The following XPO7 variants were observed in gnomAD, a reference collection of about 807,000 sequenced individuals.
The protein encoded by XPO7 is exportin 7.
XPO7 carries 21 observed loss-of-function variants against 144.3 expected under a neutral mutation model. The ratio of observed to expected loss-of-function variants is 0.15; its 90% confidence interval spans 0.10 to 0.21. The LOEUF (loss-of-function observed/expected upper bound fraction) is 0.21, where lower values mean the gene tolerates loss of function less well. XPO7 is among the 10% of genes least tolerant of loss of function. The pLI, the probability that XPO7 is intolerant of heterozygous loss-of-function variation, is 1.00. For missense variants in XPO7, 808 were observed against 1,325.8 expected, an observed-to-expected ratio of 0.61 and a Z score of 6.06; for synonymous variants, 580 against 499.6, an observed-to-expected ratio of 1.16 and a Z score of -2.15.
intron 1 of XPO7, among the ~76,000 whole-genome samples, chr8:21,957,958 A>G (rs1219575968): frequency 9.2e-5 from 14 of 152,032 alleles, no homozygotes; most frequent in Admixed American, 9.2e-4. Flanking sequence ...TGGCCCACAG[A>G]GTGCTGAAGT....
intron 1 of XPO7, among the ~76,000 whole-genome samples, chr8:21,921,245 T>C (rs1810276049): frequency 6.6e-6 from 1 of 152,216 alleles, no homozygotes; most frequent in East Asian, 1.9e-4. Flanking sequence ...TCTTGGATCT[T>C]ACAAGACTCA....
At chr8:22,001,469 C>CGT (rs1394536033) in intron 24 of XPO7, among the ~76,000 whole-genome samples, 3 of 152,122 alleles carry the variant, frequency 2.0e-5, no homozygotes, top group Non-Finnish European at 4.4e-5. Context: ...TGTACTGTTC[C>CGT]CTTTGTAAAG....
intron 1 of XPO7, among the ~76,000 whole-genome samples, chr8:21,945,257 C>T (rs1276254756): frequency 6.6e-6 from 1 of 152,236 alleles, no homozygotes; most frequent in African/African-American, 2.4e-5. Context: ...AATATTCTTT[C>T]CTTTAATCTC....
At chr8:21,999,493 G>A in intron 23 of XPO7, 43 bp from the exon 24 acceptor site, 1 of 1,612,216 alleles carries the variant, frequency 6.2e-7, no homozygotes, top group Non-Finnish European at 8.5e-7. Flanking sequence ...ATGCTGGAGT[G>A]CATAGTGCCT....
chr8:22,000,143 A>G (rs1293331989), intron 24 of XPO7, among the ~76,000 whole-genome samples: 1 of 152,206 alleles, frequency 6.6e-6, no homozygotes, highest in Admixed American at 6.5e-5. Context: ...TACCCTGGTT[A>G]GCCAGGGAGG....
intron 1 of XPO7, among the ~76,000 whole-genome samples, chr8:21,923,485 G>T (rs370414318): frequency 1.5e-4 from 23 of 152,246 alleles, no homozygotes; most frequent in African/African-American, 5.5e-4. Flanking sequence ...CACCACACTG[G>T]AAATGTCTGT....
At position 22,006,438 on chromosome 8, in the gene XPO7, A is replaced by C. The variant is rs1813333941; in HGVS notation, c.*1350A>C. On this transcript the variant is annotated 3_prime_UTR_variant, in exon 28 of 28. Transcript: ENST00000252512. ...ATTTCTTTCCTCTACCCCCAGAAAC[A>C]AGCCTGTTAATTTTTTTTCCTTCTC... 6.6e-6 allele frequency: 1 copy of C among 152,114 alleles called. No individual in the cohort carries two copies. The highest frequency in any genetic ancestry group is 2.4e-5 in the African/African-American group (1 of 41,404). 9.4% of individuals were successfully genotyped at this position (152,114 alleles called of 1,614,324 possible).
chr8:21,960,421 GTTAAAC>G lies in XPO7; in HGVS notation c.19-6430_19-6425del, dbSNP rs568404882. 1.5e-3 allele frequency among the ~76,000 whole-genome samples: 230 copies of G among 152,294 alleles called. 2 individuals are homozygous for G. The highest frequency in any genetic ancestry group is 5.3e-3 in the African/African-American group (219 of 41,552). On this transcript the variant is annotated intron_variant, in intron 1 of 27. Transcript: ENST00000252512. ...TGAGCACTTAAGAGAATGCTTTTGG[GTTAAAC>G]TTAAAAGTCAATAAACCATTAAGTG...
Position 21,991,961 on chromosome 8 carries a change from A to T in XPO7, c.2135A>T (p.Glu712Val). 6.2e-7 allele frequency: 1 copy of T among 1,613,280 alleles called. No individual in the cohort carries two copies. The highest frequency in any genetic ancestry group is 1.3e-5 in the African/African-American group (1 of 75,054). ...ATGTTTAGCACCAATAGTTTCAACG[A>T]GCAGGAGGCAAAGGTGAGTGAGTCT... Reference protein sequence around the residue: ...AQMFSTNSFNEQEAKRTLVGL... With the variant: ...AQMFSTNSFNVQEAKRTLVGL... The change falls in exon 19 of 28, where the codon GAG becomes GTG. Residue 712 changes from glutamate (E) to valine (V), a missense_variant. By Grantham distance (121) the Glu-to-Val change is moderately radical (BLOSUM62 -2). This residue lies in a region of XPO7 where 416 missense variants were observed against 612.5 expected (regional missense o/e 0.68). Coordinates refer to ENST00000252512, the MANE Select transcript of XPO7 (RefSeq NM_015024.5).
intron 25 of XPO7, 78 bp from the exon 26 acceptor site, chr8:22,003,141 C>T: frequency 8.9e-7 from 1 of 1,121,940 alleles, no homozygotes; most frequent in Non-Finnish European, 1.3e-6. Context: ...TAATATACTC[C>T]TGTATTTGGA....
chr8:21,980,825 T>TA (rs1367665468), intron 9 of XPO7, among the ~76,000 whole-genome samples: 2 of 152,114 alleles, frequency 1.3e-5, no homozygotes, highest in Admixed American at 1.3e-4. Flanking sequence ...TTACCATTTT[T>TA]AAAAAATGTT....
chr8:21,977,792 G>A lies in XPO7; in HGVS notation c.786G>A (p.Leu262=), dbSNP rs759890175. The A allele has an allele frequency of 3.7e-6, 6 of 1,613,900 alleles. No individual in the cohort carries two copies. The highest frequency in any genetic ancestry group is 5.1e-6 in the Non-Finnish European group (6 of 1,179,864). The change falls in exon 8 of 28, where the codon TTG becomes TTA. Residue 262 remains leucine, a synonymous_variant. Coordinates refer to ENST00000252512, the MANE Select transcript of XPO7 (RefSeq NM_015024.5). Reference sequence around the variant, plus strand: ...CAGCCTTCTTAGATTCTTCAACCTTGCAGCTGTTTTTTGACCTGTATCATT... The same window carrying A: ...CAGCCTTCTTAGATTCTTCAACCTTACAGCTGTTTTTTGACCTGTATCATT... ...WRSAFLDSST[L]QLFFDLYHSI... is the part of the protein sequence containing the mutation.
rs375154708 is a variant in XPO7, at chr8:21,961,464, C to T, written c.19-5393C>T. On this transcript the variant is annotated intron_variant, in intron 1 of 27. Transcript: ENST00000252512. ...CTCCTGGGCTCAAGCAGTCCTCCCA[C>T]CTCAGCCTCCTGAAGTGCTGGGATT... 1.1e-3 allele frequency among the ~76,000 whole-genome samples: 162 copies of T among 152,234 alleles called. 2 individuals carry two copies. Among genetic ancestry groups the T allele is most frequent in the African/African-American group, 3.5e-3 (147 of 41,532 alleles).
intron 1 of XPO7, among the ~76,000 whole-genome samples, chr8:21,951,546 G>A (rs1811374453): frequency 6.6e-6 from 1 of 152,186 alleles, no homozygotes; most frequent in African/African-American, 2.4e-5. Context: ...GGACTTCAGA[G>A]TCACATAAAT....
chr8:22,005,316 G>C lies in XPO7; in HGVS notation c.*228G>C, dbSNP rs1217805748. On this transcript the variant is annotated 3_prime_UTR_variant, in exon 28 of 28. Coordinates refer to ENST00000252512, the MANE Select transcript of XPO7 (RefSeq NM_015024.5). ...GGGGACTGGGTGGGAAGGGTGGTGGGAGGAGATAAGAGATACAAACTGAGA... is the reference window on the plus strand; with the variant it reads ...GGGGACTGGGTGGGAAGGGTGGTGGCAGGAGATAAGAGATACAAACTGAGA... The C allele has an allele frequency of 2.8e-6, 1 of 351,230 alleles. No homozygotes were observed. Among genetic ancestry groups the C allele is most frequent in the Admixed American group, 4.7e-5 (1 of 21,362 alleles). The allele number at this position is 351,230 out of a possible 1,614,324, so 21.8% of individuals were successfully genotyped here.
At chr8:21,980,052 A>G (rs1283137551) in intron 8 of XPO7, 32 bp from the exon 9 acceptor site, 3 of 1,534,444 alleles carry the variant, frequency 2.0e-6, no homozygotes, top group African/African-American at 2.8e-5. Context: ...AGTCTTTTTA[A>G]TCGTTGTGTT....
At chr8:21,980,274 TC>T (rs1812361330) in intron 9 of XPO7, 71 bp downstream of exon 9, 1 of 1,491,168 alleles carries the variant, frequency 6.7e-7, no homozygotes, top group Non-Finnish European at 9.0e-7. Flanking sequence ...CAGAAGGAAA[TC>T]CATCCCAAGG....
At chr8:22,001,788 A>T (rs1243820529) in intron 24 of XPO7, among the ~76,000 whole-genome samples, 2 of 152,238 alleles carry the variant, frequency 1.3e-5, no homozygotes, top group Non-Finnish European at 2.9e-5. Context: ...TAACACCTAT[A>T]AAGTACTTAG....
Position 21,970,460 on chromosome 8 carries a change from A to G in XPO7, c.426+150A>G, listed in dbSNP as rs187159562. The G allele has an allele frequency of 9.2e-5, 83 of 904,964 alleles. 1 individual carries two copies. The East Asian group carries it at 2.5e-3, about 27-fold the overall frequency. The allele number at this position is 904,964 out of a possible 1,614,324, so 56.1% of individuals were successfully genotyped here. On this transcript the variant is annotated intron_variant, in intron 4 of 27. Coordinates refer to ENST00000252512, the MANE Select transcript of XPO7 (RefSeq NM_015024.5). ...AATTATATGATATATTCTCTTCTGCATGTTTTTTACCCTTAATAGGTCTTG... is the reference window on the plus strand; with the variant it reads ...AATTATATGATATATTCTCTTCTGCGTGTTTTTTACCCTTAATAGGTCTTG...
Sources: gnomAD v4.1 joint callset for allele counts (sites outside exome capture counted in the v4.1 genomes callset) on GRCh38, gnomAD v4.1.1 for gene constraint, gnomAD v4.1.1 regional missense constraint, MANE v1.5 for transcripts, NCBI Gene and HGNC (gene_info 2026-07-23, HGNC 2026-07-21) for gene names.